The following GPC5 variants were observed in gnomAD, a reference collection of about 807,000 sequenced individuals.
GPC5 encodes glypican 5, also known as glypican-5.
In GPC5, 47 loss-of-function variants were observed where a neutral mutation model predicts 53.9. That is an observed-to-expected ratio of 0.87 (90% CI 0.69 to 1.11). The LOEUF (loss-of-function observed/expected upper bound fraction) is 1.11, where lower values mean the gene tolerates loss of function less well. GPC5 is among the 50% of genes most tolerant of loss of function. The pLI, the probability that GPC5 is intolerant of heterozygous loss-of-function variation, is 0.00. For synonymous variants in GPC5, 286 were observed against 263.3 expected (o/e 1.09, Z -0.84); for missense variants, 748 against 713.1 (o/e 1.05, Z -0.56).
intron 2 of GPC5, among the ~76,000 whole-genome samples, chr13:91,453,215 A>G (rs959194565): frequency 6.6e-6 from 1 of 151,900 alleles, no homozygotes; most frequent in African/African-American, 2.4e-5. Context: ...GCTATTTTTA[A>G]TGAAATGTAG....
Position 91,784,526 on chromosome 13 carries a change from A to T in GPC5, c.1280+28106A>T, listed in dbSNP as rs1300915764. Reference sequence around the variant, plus strand: ...GATCACCTGAGGTCGGAAGTTGGAGACCAGCCTGACCAAGATGGAAAAACC... The same window carrying T: ...GATCACCTGAGGTCGGAAGTTGGAGTCCAGCCTGACCAAGATGGAAAAACC... On this transcript the variant is annotated intron_variant, in intron 5 of 7. Transcript: ENST00000377067. Among the ~76,000 whole-genome samples the T allele has an allele frequency of 4.6e-5, 7 of 152,218 alleles. No individual in the cohort carries two copies. In the South Asian group the frequency reaches 1.5e-3, roughly 32 times the overall value.
At chr13:91,425,996 G>T (rs1414279355) in intron 1 of GPC5, among the ~76,000 whole-genome samples, 1 of 152,122 alleles carries the variant, frequency 6.6e-6, no homozygotes, top group African/African-American at 2.4e-5. Flanking sequence ...TCAGCATTTT[G>T]CCCCTGACCT....
chr13:91,431,042 T>A (rs1018110290), intron 1 of GPC5, among the ~76,000 whole-genome samples: 2 of 152,014 alleles, frequency 1.3e-5, no homozygotes, highest in Admixed American at 1.3e-4. Context: ...GCCTGACTAA[T>A]TTTTCTATTT....
chr13:92,703,667 ATATT>A (rs1447830896), intron 7 of GPC5, among the ~76,000 whole-genome samples: 2 of 150,458 alleles, frequency 1.3e-5, no homozygotes, highest in South Asian at 2.1e-4. Flanking sequence ...TTAAAAATTT[ATATT>A]TATTCATAAA....
intron 7 of GPC5, among the ~76,000 whole-genome samples, chr13:92,371,628 A>G (rs552404483): frequency 3.2e-4 from 49 of 152,316 alleles, no homozygotes; most frequent in African/African-American, 1.1e-3. Context: ...GAAGCAACGC[A>G]TCTTCTTCAC....
intron 2 of GPC5, among the ~76,000 whole-genome samples, chr13:91,624,067 A>C (rs1422899474): frequency 6.6e-6 from 1 of 152,152 alleles, no homozygotes; most frequent in Non-Finnish European, 1.5e-5. Flanking sequence ...AACGATTAGC[A>C]GTTTGACCAG....
At chr13:91,807,054 C>T (rs931951438) in intron 5 of GPC5, among the ~76,000 whole-genome samples, 10 of 152,076 alleles carry the variant, frequency 6.6e-5, no homozygotes, top group Non-Finnish European at 1.2e-4. Context: ...AAGCCTGCTT[C>T]CCACACCAAC....
At chr13:92,611,110 T>G (rs2139095265) in intron 7 of GPC5, among the ~76,000 whole-genome samples, 1 of 152,238 alleles carries the variant, frequency 6.6e-6, no homozygotes, top group African/African-American at 2.4e-5. Flanking sequence ...TAAAATAATT[T>G]TATGACCATA....
At chr13:91,719,067 TTTATTTATTTAC>T (rs1455980396) in intron 3 of GPC5, among the ~76,000 whole-genome samples, 11 of 152,206 alleles carry the variant, frequency 7.2e-5, no homozygotes, top group Admixed American at 1.3e-4. Flanking sequence ...CCTACATTTA[TTTATTTATTTAC>T]TTATTTATTT....
intron 7 of GPC5, among the ~76,000 whole-genome samples, chr13:92,692,402 T>A (rs1479175785): frequency 6.6e-6 from 1 of 152,030 alleles, no homozygotes; most frequent in Non-Finnish European, 1.5e-5. Flanking sequence ...GTAATGTGAT[T>A]GCTGGGTCAA....
In GPC5 at chr13:92,665,368, A is replaced by T. The variant is rs780309635; in HGVS notation, c.1562-200914A>T. ...AAGGAAAGGTGCTTACAGATAGGAA[A>T]ATAGAGGCTAATCCCACATCCCGGA... On this transcript the variant is annotated intron_variant, in intron 7 of 7. Transcript: ENST00000377067. 1.1e-4 allele frequency among the ~76,000 whole-genome samples: 17 copies of T among 152,270 alleles called. No individual in the cohort carries two copies. The East Asian group carries it at 1.4e-3, about 12-fold the overall frequency.
At chr13:91,783,218 C>T (rs1477041066) in intron 5 of GPC5, among the ~76,000 whole-genome samples, 1 of 151,944 alleles carries the variant, frequency 6.6e-6, no homozygotes, top group African/African-American at 2.4e-5. Context: ...CGCTCCACTG[C>T]ACTCCAGCCT....
At chr13:91,867,141 G>A (rs2138923300) in intron 5 of GPC5, among the ~76,000 whole-genome samples, 1 of 152,314 alleles carries the variant, frequency 6.6e-6, no homozygotes, top group African/African-American at 2.4e-5. Context: ...CTTGAACTGG[G>A]GAGGCAGAGG....
intron 6 of GPC5, among the ~76,000 whole-genome samples, chr13:91,953,631 G>C (rs2040047390): frequency 6.6e-6 from 1 of 152,168 alleles, no homozygotes; most frequent in Non-Finnish European, 1.5e-5. Context: ...CAATAGATTG[G>C]TTAGCTTATA....
chr13:92,129,188 A>C lies in GPC5; in HGVS notation c.1402-15642A>C, dbSNP rs149786778. Among the ~76,000 whole-genome samples the C allele has an allele frequency of 1.4e-3, 218 of 152,290 alleles. 2 individuals carry two copies. Among genetic ancestry groups the C allele is most frequent in the African/African-American group, 4.9e-3 (203 of 41,552 alleles). ...TGAGACTAATGAGATTAAATCTGAG[A>C]CTAATTTTGAGACTAATGACTAATG... is the stretch of plus-strand genomic sequence containing the variant. On this transcript the variant is annotated intron_variant, in intron 6 of 7. Coordinates refer to ENST00000377067, the MANE Select transcript of GPC5 (RefSeq NM_004466.6).
intron 7 of GPC5, among the ~76,000 whole-genome samples, chr13:92,503,111 A>G (rs1327421127): frequency 2.0e-5 from 3 of 151,990 alleles, no homozygotes; most frequent in Non-Finnish European, 4.4e-5. Flanking sequence ...ACAAGTGCAG[A>G]AAACAAGGAA....
intron 7 of GPC5, among the ~76,000 whole-genome samples, chr13:92,842,850 T>A (rs1388936323): frequency 6.6e-6 from 1 of 152,142 alleles, no homozygotes; most frequent in Non-Finnish European, 1.5e-5. Context: ...ATAAAAATGT[T>A]TATAATACTT....
At chr13:91,961,708 T>A (rs2040127425) in intron 6 of GPC5, among the ~76,000 whole-genome samples, 1 of 151,988 alleles carries the variant, frequency 6.6e-6, no homozygotes, top group African/African-American at 2.4e-5. Flanking sequence ...GATACGGCAA[T>A]AAGTAAAGAT....
intron 3 of GPC5, among the ~76,000 whole-genome samples, chr13:91,721,157 T>C (rs1358786992): frequency 2.7e-5 from 4 of 149,696 alleles, no homozygotes; most frequent in Non-Finnish European, 5.9e-5. Context: ...GTGGGGGGAC[T>C]GAGTTTCACT....
Sources: gnomAD v4.1 joint callset for allele counts (sites outside exome capture counted in the v4.1 genomes callset) on GRCh38, gnomAD v4.1.1 for gene constraint, MANE v1.5 for transcripts, NCBI Gene and HGNC (gene_info 2026-07-23, HGNC 2026-07-21) for gene names.